TRDN: variants seen among roughly 807,000 people sequenced by gnomAD.
TRDN encodes triadin in skeletal muscle.
TRDN carries 161 observed loss-of-function variants against 149.7 expected under a neutral mutation model. That is an observed-to-expected ratio of 1.08 (90% confidence interval 0.95 to 1.23). The LOEUF is 1.23. Among genes scored for constraint, TRDN ranks in the 50% most tolerant of loss-of-function variants. The probability of loss-of-function intolerance (pLI) is 0.00; values close to 1 mark genes in which losing one functional copy is unlikely to be tolerated. For missense variants in TRDN, 896 were observed against 823.5 expected (o/e 1.09, Z -1.08); for synonymous variants, 294 against 250.5 (o/e 1.17, Z -1.64).
At chr6:123,379,552 A>C (rs1040283883) in intron 16 of TRDN, among the ~76,000 whole-genome samples, 1 of 152,192 alleles carries the variant, frequency 6.6e-6, no homozygotes, top group Non-Finnish European at 1.5e-5. Context: ...ACAGTCAAAA[A>C]AGTACTGGAA....
intron 5 of TRDN, chr6:123,529,437 G>A (rs534216067): frequency 2.4e-6 from 3 of 1,246,422 alleles, no homozygotes; most frequent in African/African-American, 3.0e-5. Context: ...AATCTAGAAT[G>A]AATTCAAACA....
chr6:123,433,143 A>C (rs12216406), intron 12 of TRDN, among the ~76,000 whole-genome samples: 1 of 96,438 alleles, frequency 1.0e-5, no homozygotes, highest in Non-Finnish European at 1.9e-5. Context: ...ACACATCATA[A>C]ATATATATAT....
Position 123,359,686 on chromosome 6 carries a change from A to ATTTG in TRDN, c.1321+6445_1321+6448dup, listed in dbSNP as rs556540709. ...TTAAGAAAGATTGAATGTGAAGGGG[A>ATTTG]TTTGTTTGTTTGTTTGTTTGTTTGT... is the stretch of plus-strand genomic sequence containing the variant. On this transcript the variant is annotated intron_variant, in intron 20 of 40. Transcript: ENST00000334268. Among the ~76,000 whole-genome samples, 1,062 of 151,652 alleles carry ATTTG rather than the reference A, an allele frequency of 7.0e-3. 6 individuals carry two copies. The highest frequency in any genetic ancestry group is 0.02 in the Middle Eastern group (6 of 294).
chr6:123,371,969 G>A (rs1187570882), intron 19 of TRDN, among the ~76,000 whole-genome samples: 9 of 152,168 alleles, frequency 5.9e-5, no homozygotes, highest in African/African-American at 1.9e-4. Context: ...GAAAAGAGGT[G>A]CAAGTAATAA....
intron 15 of TRDN, among the ~76,000 whole-genome samples, chr6:123,381,787 G>A (rs1251978996): frequency 6.6e-6 from 1 of 152,002 alleles, no homozygotes; most frequent in Non-Finnish European, 1.5e-5. Context: ...CTATCAAAAA[G>A]TAATTTAGTG....
At chr6:123,406,989 C>G (rs7451630) in intron 12 of TRDN, among the ~76,000 whole-genome samples, 2 of 151,966 alleles carry the variant, frequency 1.3e-5, no homozygotes, top group East Asian at 3.9e-4. Context: ...CACCTTCAGG[C>G]TCCAAGCTCA....
chr6:123,329,968 C>T (rs1779600011), intron 23 of TRDN, among the ~76,000 whole-genome samples: 1 of 151,986 alleles, frequency 6.6e-6, no homozygotes, highest in South Asian at 2.1e-4. Context: ...TCTTCTTCAA[C>T]ATGATATATG....
intron 1 of TRDN, among the ~76,000 whole-genome samples, chr6:123,608,209 T>C (rs971106308): frequency 2.0e-5 from 3 of 151,976 alleles, no homozygotes; most frequent in African/African-American, 7.2e-5. Context: ...AACTGATTGA[T>C]TGGGTAAATT....
chr6:123,443,623 A>T (rs12199986), intron 10 of TRDN, among the ~76,000 whole-genome samples: 22,614 of 151,788 alleles, frequency 0.15, 2,372 homozygotes, highest in African/African-American at 0.3. Flanking sequence ...AAATCCCGTC[A>T]CGACTAAAAA....
intron 24 of TRDN, among the ~76,000 whole-genome samples, chr6:123,296,740 A>G (rs1778214591): frequency 6.6e-6 from 1 of 152,060 alleles, no homozygotes; most frequent in Admixed American, 6.6e-5. Flanking sequence ...AGTTTTATGT[A>G]TATAATTTTG....
intron 4 of TRDN, 97 bp downstream of exon 4, chr6:123,547,243 C>A: frequency 1.3e-6 from 1 of 763,352 alleles, no homozygotes; most frequent in Non-Finnish European, 2.0e-6. Context: ...TAAACAAAAC[C>A]TTTATATTAA....
chr6:123,229,927 T>C (rs1276488261), intron 38 of TRDN, among the ~76,000 whole-genome samples: 1 of 152,002 alleles, frequency 6.6e-6, no homozygotes, highest in African/African-American at 2.4e-5. Flanking sequence ...CTTATCTTGG[T>C]TCTACATTTT....
chr6:123,390,436 T>A (rs1334481671), intron 13 of TRDN, among the ~76,000 whole-genome samples: 1 of 152,180 alleles, frequency 6.6e-6, no homozygotes. Flanking sequence ...CCCATTCTTA[T>A]ATATTTGATA....
At chr6:123,331,081 T>C (rs935297922) in intron 23 of TRDN, among the ~76,000 whole-genome samples, 5 of 152,058 alleles carry the variant, frequency 3.3e-5, no homozygotes, top group African/African-American at 1.2e-4. Context: ...ATGGGCACAA[T>C]GGAAAATTTT....
At chr6:123,513,079 T>C (rs1169584862) in intron 6 of TRDN, among the ~76,000 whole-genome samples, 1 of 152,144 alleles carries the variant, frequency 6.6e-6, no homozygotes, top group Non-Finnish European at 1.5e-5. Context: ...TAATATTCAG[T>C]TGAAGAGCAA....
intron 1 of TRDN, among the ~76,000 whole-genome samples, chr6:123,583,423 C>A (rs1460770677): frequency 5.9e-5 from 9 of 152,044 alleles, no homozygotes; most frequent in African/African-American, 2.2e-4. Context: ...ACAGGTCTGA[C>A]TTCTGAGAAG....
intron 12 of TRDN, among the ~76,000 whole-genome samples, chr6:123,414,944 A>G (rs1217510702): frequency 2.0e-5 from 3 of 152,186 alleles, no homozygotes; most frequent in Non-Finnish European, 4.4e-5. Context: ...TTACATGAAT[A>G]AGAAGTAAAA....
chr6:123,301,084 A>C (rs1244154253), intron 24 of TRDN, among the ~76,000 whole-genome samples: 1 of 151,960 alleles, frequency 6.6e-6, no homozygotes, highest in Non-Finnish European at 1.5e-5. Flanking sequence ...TATGGAGTCT[A>C]TTGTCCTGAC....
At chr6:123,446,598 A>AG in intron 10 of TRDN, among the ~76,000 whole-genome samples, 1 of 149,810 alleles carries the variant, frequency 6.7e-6, no homozygotes, top group East Asian at 2.0e-4. Context: ...AAAAAAAAAA[A>AG]AAAAAAAAAA....
Sources: gnomAD v4.1 joint callset for allele counts (sites outside exome capture counted in the v4.1 genomes callset) on GRCh38, gnomAD v4.1.1 for gene constraint, MANE v1.5 for transcripts, NCBI Gene and HGNC (gene_info 2026-07-23, HGNC 2026-07-21) for gene names.